NR3C1: variants seen among roughly 807,000 people sequenced by gnomAD.
NR3C1 encodes nuclear receptor subfamily 3 group C member 1.
NR3C1 carries 14 observed loss-of-function variants against 74.0 expected under a neutral mutation model. That is an observed-to-expected ratio of 0.19 (90% CI 0.12 to 0.30). The LOEUF (loss-of-function observed/expected upper bound fraction) is 0.30, where lower values mean the gene tolerates loss of function less well. Among genes scored for constraint, NR3C1 ranks in the 10% least tolerant of loss-of-function variants. The pLI, the probability that NR3C1 is intolerant of heterozygous loss-of-function variation, is 1.00. For missense variants in NR3C1, 695 were observed against 909.8 expected, an observed-to-expected ratio of 0.76 and a Z score of 3.04; for synonymous variants, 308 against 332.5, an observed-to-expected ratio of 0.93 and a Z score of 0.80.
chr5:143,284,684 C>T (rs191436671), intron 7 of NR3C1, among the ~76,000 whole-genome samples: 7 of 151,898 alleles, frequency 4.6e-5, no homozygotes, highest in African/African-American at 7.2e-5. Flanking sequence ...ACATTACTTC[C>T]TCTTTTGGCT....
At chr5:143,299,510 GAAGA>G (rs938693058) in intron 5 of NR3C1, among the ~76,000 whole-genome samples, 1 of 152,086 alleles carries the variant, frequency 6.6e-6, no homozygotes, top group Non-Finnish European at 1.5e-5. Flanking sequence ...AATACAGTTA[GAAGA>G]AATAAGTTTT....
At chr5:143,306,957 C>T (rs1035510626) in intron 4 of NR3C1, among the ~76,000 whole-genome samples, 12 of 129,652 alleles carry the variant, frequency 9.3e-5, no homozygotes, top group South Asian at 4.9e-4. Flanking sequence ...AGTGCAGTGG[C>T]GCGATCTTGG....
chr5:143,293,080 A>C (rs1020544986), intron 7 of NR3C1, among the ~76,000 whole-genome samples: 2 of 152,170 alleles, frequency 1.3e-5, no homozygotes, highest in African/African-American at 4.8e-5. Flanking sequence ...AACTGCATTT[A>C]TATTTCCATC....
At chr5:143,335,606 T>C (rs1826977225) in intron 2 of NR3C1, among the ~76,000 whole-genome samples, 1 of 152,244 alleles carries the variant, frequency 6.6e-6, no homozygotes, top group African/African-American at 2.4e-5. Context: ...ACTGCATCTA[T>C]TTATTTTGGG....
chr5:143,411,427 A>C (rs1841288758), intron 1 of NR3C1, among the ~76,000 whole-genome samples: 1 of 152,196 alleles, frequency 6.6e-6, no homozygotes, highest in Non-Finnish European at 1.5e-5. Context: ...TCCAACATCC[A>C]TTTTTGTTGC....
intron 7 of NR3C1, among the ~76,000 whole-genome samples, chr5:143,285,994 A>G (rs1002894191): frequency 2.0e-5 from 3 of 151,768 alleles, no homozygotes; most frequent in African/African-American, 7.3e-5. Context: ...AAAAGCAAGA[A>G]TATATTAAAT....
At position 143,278,086 on chromosome 5, in the gene NR3C1, A is replaced by T. The variant is rs907420365; in HGVS notation, c.*3803T>A. On this transcript the variant is annotated 3_prime_UTR_variant, in exon 9 of 9. Coordinates refer to ENST00000394464, the MANE Select transcript of NR3C1 (RefSeq NM_000176.3). ...AAATAAAAGTTAAACATTTCCACAC[A>T]AGGTTTTACAGTCTGACATTTCACT... The T allele has an allele frequency of 2.0e-5, 3 of 152,196 alleles. No homozygotes were observed. The highest frequency in any genetic ancestry group is 2.0e-4 in the Admixed American group (3 of 15,270). The allele number at this position is 152,196 out of a possible 1,614,324, so 9.4% of individuals were successfully genotyped here.
chr5:143,390,553 T>A (rs969715172), intron 2 of NR3C1, among the ~76,000 whole-genome samples: 1 of 152,132 alleles, frequency 6.6e-6, no homozygotes, highest in Admixed American at 6.5e-5. Flanking sequence ...GGCTTAGAGG[T>A]GAATAGTCTC....
chr5:143,399,591 G>T, intron 2 of NR3C1, 65 bp downstream of exon 2: 1 of 1,204,566 alleles, frequency 8.3e-7, no homozygotes, highest in Admixed American at 1.7e-5. Context: ...AATCAATGAA[G>T]ATTTACATCT....
At chr5:143,301,168 A>G (rs1050778714) in intron 4 of NR3C1, among the ~76,000 whole-genome samples, 1 of 152,186 alleles carries the variant, frequency 6.6e-6, no homozygotes, top group African/African-American at 2.4e-5. Context: ...ACTGAAAAAA[A>G]AATCTAAGCT....
intron 7 of NR3C1, among the ~76,000 whole-genome samples, chr5:143,288,839 C>T (rs1562709588): frequency 1.3e-5 from 2 of 152,056 alleles, no homozygotes; most frequent in Admixed American, 6.6e-5. Context: ...GGCACAGTGG[C>T]TCATGCCTGT....
chr5:143,415,345 A>G (rs4529231), intron 1 of NR3C1, among the ~76,000 whole-genome samples: 148,442 of 152,092 alleles, frequency 0.98, 72,554 homozygotes, highest in Middle Eastern at 1. Context: ...AGAGGCTGGG[A>G]AGGGCAGGGG....
intron 7 of NR3C1, among the ~76,000 whole-genome samples, chr5:143,293,561 C>T (rs1431321306): frequency 6.6e-6 from 1 of 152,168 alleles, no homozygotes; most frequent in Admixed American, 6.5e-5. Context: ...AAAACCCCAA[C>T]TTACTAAACT....
intron 2 of NR3C1, among the ~76,000 whole-genome samples, chr5:143,399,017 A>G (rs1334828043): frequency 3.3e-5 from 5 of 152,226 alleles, no homozygotes; most frequent in African/African-American, 7.2e-5. Flanking sequence ...ATTGATCAGC[A>G]GACATAACTT....
At chr5:143,306,941 G>A (rs1819748299) in intron 4 of NR3C1, among the ~76,000 whole-genome samples, 1 of 139,246 alleles carries the variant, frequency 7.2e-6, no homozygotes, top group Non-Finnish European at 1.5e-5. Context: ...CTGTCGCCCA[G>A]GCTGGAGTGC....
rs867004642 is a variant in NR3C1 at position 143,400,100 on chromosome 5, G to A, written c.740C>T (p.Pro247Leu). 1 of 1,614,190 alleles carries A rather than the reference G, an allele frequency of 6.2e-7. No individual in the cohort carries two copies. Among genetic ancestry groups the A allele is most frequent in the South Asian group, 1.1e-5 (1 of 91,084 alleles). The change falls in exon 2 of 9, where the codon CCT (proline) becomes CTT (leucine). Residue 247 changes from proline to leucine, a missense_variant. Physicochemically the swap from Pro to Leu is moderately conservative, Grantham distance 98 (BLOSUM62 -3). This residue lies in a region of NR3C1 where 497 missense variants were observed against 489.5 expected (regional missense o/e 1.02). Coordinates refer to ENST00000394464, the MANE Select transcript of NR3C1 (RefSeq NM_000176.3). ...GGGTTTAGTGTCCGGTAAAATGAGA[G>A]GCTTGCAGTCCTCATTCGAGTTTCC... ...LEGNSNEDCKPLILPDTKPKI... is the reference protein window; with the variant it reads ...LEGNSNEDCKLLILPDTKPKI...
At chr5:143,286,933 T>A (rs904800005) in intron 7 of NR3C1, among the ~76,000 whole-genome samples, 4 of 151,532 alleles carry the variant, frequency 2.6e-5, no homozygotes, top group Non-Finnish European at 5.9e-5. Context: ...CTCAGTGGAA[T>A]TAAATTAGAA....
chr5:143,287,740 A>C (rs1477845008), intron 7 of NR3C1, among the ~76,000 whole-genome samples: 11 of 152,202 alleles, frequency 7.2e-5, no homozygotes, highest in Admixed American at 2.0e-4. Context: ...AAAGAGAGAT[A>C]TAAAAATGAT....
At chr5:143,364,450 A>T (rs1463477381) in intron 2 of NR3C1, among the ~76,000 whole-genome samples, 1 of 152,354 alleles carries the variant, frequency 6.6e-6, no homozygotes, top group East Asian at 1.9e-4. Flanking sequence ...TAGAAATACA[A>T]CATCAGGAAA....
Sources: gnomAD v4.1 joint callset for allele counts (sites outside exome capture counted in the v4.1 genomes callset) on GRCh38, gnomAD v4.1.1 for gene constraint, gnomAD v4.1.1 regional missense constraint, MANE v1.5 for transcripts, NCBI Gene and HGNC (gene_info 2026-07-23, HGNC 2026-07-21) for gene names.